The following AAK1 variants were observed in gnomAD, a reference collection of about 807,000 sequenced individuals.
AAK1 encodes the protein AP2-associated protein kinase 1.
In AAK1, 37 loss-of-function variants were observed where a neutral mutation model predicts 116.0. That is an observed-to-expected ratio of 0.32 (90% CI 0.25 to 0.42). The LOEUF is 0.42. Ranked by LOEUF, AAK1 falls within the 10% of genes least tolerant of loss-of-function variation. The pLI is 1.00. For missense variants in AAK1, 919 were observed against 1,170.6 expected, an observed-to-expected ratio of 0.79 and a Z score of 3.14; for synonymous variants, 458 against 439.9, an observed-to-expected ratio of 1.04 and a Z score of -0.51.
intron 2 of AAK1, among the ~76,000 whole-genome samples, chr2:69,621,334 C>A (rs1413018212): frequency 3.3e-5 from 5 of 152,096 alleles, no homozygotes; most frequent in Admixed American, 2.6e-4. Context: ...AAAAGATTAG[C>A]CGGGCTTGGT....
intron 16 of AAK1, among the ~76,000 whole-genome samples, chr2:69,502,622 A>T (rs1194110637): frequency 6.6e-6 from 1 of 152,188 alleles, no homozygotes; most frequent in Non-Finnish European, 1.5e-5. Flanking sequence ...ACTGTCTCAA[A>T]AAATAAATAA....
chr2:69,614,349 G>T (rs530923298), intron 2 of AAK1, among the ~76,000 whole-genome samples: 1 of 152,160 alleles, frequency 6.6e-6, no homozygotes. Flanking sequence ...ACAGGGACAG[G>T]TGTAACAGCT....
At chr2:69,544,066 A>G (rs1670829954) in intron 4 of AAK1, among the ~76,000 whole-genome samples, 1 of 152,212 alleles carries the variant, frequency 6.6e-6, no homozygotes, top group Non-Finnish European at 1.5e-5. Context: ...AAGAGAACAC[A>G]CAAGTGAGGG....
chr2:69,525,649 G>A (rs561349366), intron 9 of AAK1, among the ~76,000 whole-genome samples: 1 of 152,304 alleles, frequency 6.6e-6, no homozygotes, highest in South Asian at 2.1e-4. Context: ...GCACTACTCA[G>A]TCCACAAGCC....
At chr2:69,534,945 T>A (rs1670400440) in intron 5 of AAK1, among the ~76,000 whole-genome samples, 1 of 152,214 alleles carries the variant, frequency 6.6e-6, no homozygotes, top group South Asian at 2.1e-4. Context: ...AATACAAAAC[T>A]TTAGAGAAAA....
rs1364881431 is a variant in AAK1, at chr2:69,464,695, G to T, written c.*11174C>A. ...CTGTACACTCACACTAATTTCAAAA[G>T]CATGGATGTGGGGAAAGCCCTGCCA... On this transcript the variant is annotated 3_prime_UTR_variant, in exon 22 of 22. Transcript: ENST00000409085. 2.0e-5 allele frequency: 3 copies of T among 152,760 alleles called. No homozygotes were observed. The highest frequency in any genetic ancestry group is 6.7e-3 in the Middle Eastern group (2 of 298). The allele number at this position is 152,760 out of a possible 1,614,324, so 9.5% of individuals were successfully genotyped here. A position where few individuals can be genotyped will look rare whatever the true frequency, so the allele number is the denominator to read the frequency against.
chr2:69,485,559 T>C (rs1675262221), intron 17 of AAK1, among the ~76,000 whole-genome samples: 1 of 152,168 alleles, frequency 6.6e-6, no homozygotes, highest in African/African-American at 2.4e-5. Context: ...TTACGAACCT[T>C]TGTATCCCAG....
At chr2:69,635,875 A>G (rs575753167) in intron 2 of AAK1, among the ~76,000 whole-genome samples, 1 of 152,360 alleles carries the variant, frequency 6.6e-6, no homozygotes, top group East Asian at 1.9e-4. Flanking sequence ...TGATGGTTGC[A>G]TATTATGAAT....
chr2:69,514,506 C>T lies in AAK1; in HGVS notation c.1741G>A (p.Ala581Thr), dbSNP rs759202545. The T allele has an allele frequency of 1.9e-6, 3 of 1,550,118 alleles. No homozygotes were observed. Among genetic ancestry groups the T allele is most frequent in the South Asian group, 2.4e-5 (2 of 83,854 alleles). The change falls in exon 13 of 22, where the codon GCA (alanine) becomes ACA (threonine). Residue 581 changes from alanine (A) to threonine (T), a missense_variant. This residue lies in a region of AAK1 where 125 missense variants were observed against 184.1 expected (regional missense o/e 0.68). Transcript: ENST00000409085. Reference sequence around the variant, plus strand: ...TGGGCAGGGGCTGGCTGTGGGGCTGCAGCTGGCTGTGGCTGGGGCTGCTGT... The same window carrying T: ...TGGGCAGGGGCTGGCTGTGGGGCTGTAGCTGGCTGTGGCTGGGGCTGCTGT... ...AGQQPQPQPA[A>T]APQPAPAQEP...
chr2:69,614,060 A>G (rs1421589022), intron 2 of AAK1, among the ~76,000 whole-genome samples: 1 of 143,850 alleles, frequency 7.0e-6, no homozygotes, highest in Non-Finnish European at 1.5e-5. Flanking sequence ...GTTAGTGTGG[A>G]AAAAACTTAG....
chr2:69,506,280 C>T (rs1302187611), intron 15 of AAK1, among the ~76,000 whole-genome samples: 2 of 152,172 alleles, frequency 1.3e-5, no homozygotes, highest in African/African-American at 4.8e-5. Flanking sequence ...TCCAGAATAA[C>T]AACTGGTATA....
chr2:69,573,778 T>A (rs562824269), intron 2 of AAK1, among the ~76,000 whole-genome samples: 3 of 152,214 alleles, frequency 2.0e-5, no homozygotes, highest in Admixed American at 2.0e-4. Context: ...GGCAGGCAGA[T>A]CACTTGAGGT....
At chr2:69,487,154 C>T (rs1675329285) in intron 17 of AAK1, among the ~76,000 whole-genome samples, 1 of 152,086 alleles carries the variant, frequency 6.6e-6, no homozygotes, top group Non-Finnish European at 1.5e-5. Context: ...TAGAAGAGGT[C>T]ACATCTAAAG....
At chr2:69,559,260 TCTCACA>T (rs979723669) in intron 2 of AAK1, among the ~76,000 whole-genome samples, 1 of 117,028 alleles carries the variant, frequency 8.5e-6, no homozygotes, top group African/African-American at 4.2e-5. Flanking sequence ...TCTCTCTCTC[TCTCACA>T]CACACACACA....
intron 2 of AAK1, among the ~76,000 whole-genome samples, chr2:69,568,179 GAGA>G (rs952652367): frequency 2.0e-4 from 31 of 152,178 alleles, no homozygotes; most frequent in African/African-American, 7.5e-4. Context: ...TTCTCCAAAA[GAGA>G]ATGGGAGACT....
chr2:69,597,196 C>CT (rs57714615), intron 2 of AAK1, among the ~76,000 whole-genome samples: 7 of 151,264 alleles, frequency 4.6e-5, no homozygotes, highest in South Asian at 2.1e-4. Context: ...CTGAGATTCT[C>CT]TTTTTTTTTG....
In AAK1 at chr2:69,466,228, G is replaced by A. The variant is rs1398552474; in HGVS notation, c.*9641C>T. Reference sequence around the variant, plus strand: ...GCTTGCTCAGGAGAGACTTCTGGTGGAGCGAATGGAACGGCTCCTCCCAGC... The same window carrying A: ...GCTTGCTCAGGAGAGACTTCTGGTGAAGCGAATGGAACGGCTCCTCCCAGC... On this transcript the variant is annotated 3_prime_UTR_variant, in exon 22 of 22. Coordinates refer to ENST00000409085, the MANE Select transcript of AAK1 (RefSeq NM_014911.5). 9 of 1,289,676 alleles carry A rather than the reference G, an allele frequency of 7.0e-6. No homozygotes were observed. Among genetic ancestry groups the A allele is most frequent in the Non-Finnish European group, 9.1e-6 (9 of 988,876 alleles). The allele number at this position is 1,289,676 out of a possible 1,614,324, so 79.9% of individuals were successfully genotyped here. A position where few individuals can be genotyped will look rare whatever the true frequency, so the allele number is the denominator to read the frequency against.
At chr2:69,553,447 T>TTTG (rs1553415254) in intron 3 of AAK1, among the ~76,000 whole-genome samples, 4 of 137,374 alleles carry the variant, frequency 2.9e-5, no homozygotes, top group African/African-American at 1.1e-4. Context: ...GTTTTTTTTT[T>TTTG]TTTTTTTTTT....
At chr2:69,545,759 T>C (rs1216833075) in intron 3 of AAK1, among the ~76,000 whole-genome samples, 1 of 152,092 alleles carries the variant, frequency 6.6e-6, no homozygotes, top group East Asian at 1.9e-4. Context: ...TAGAAAGGCT[T>C]TGGAATTGGC....
Sources: gnomAD v4.1 joint callset for allele counts (sites outside exome capture counted in the v4.1 genomes callset) on GRCh38, gnomAD v4.1.1 for gene constraint, gnomAD v4.1.1 regional missense constraint, MANE v1.5 for transcripts, NCBI Gene and HGNC (gene_info 2026-07-23, HGNC 2026-07-21) for gene names.